The following NAALADL2 variants were observed in gnomAD, a reference collection of about 807,000 sequenced individuals.
The protein encoded by NAALADL2 is N-acetylated alpha-linked acidic dipeptidase like 2.
Under a neutral mutation model 87.2 loss-of-function variants are expected in NAALADL2, and 76 were observed. The ratio of observed to expected loss-of-function variants is 0.87; its 90% CI spans 0.72 to 1.05. The LOEUF (loss-of-function observed/expected upper bound fraction) is 1.05. Among genes scored for constraint, NAALADL2 ranks in the 50% least tolerant of loss-of-function variants. The pLI is 0.00. For missense variants in NAALADL2, 1,089 were observed against 945.8 expected (o/e 1.15, Z -1.99); for synonymous variants, 354 against 331.0 (o/e 1.07, Z -0.75).
intron 1 of NAALADL2, among the ~76,000 whole-genome samples, chr3:175,050,904 A>G (rs1044584890): frequency 3.3e-5 from 5 of 152,216 alleles, no homozygotes; most frequent in Admixed American, 6.5e-5. Flanking sequence ...ATAAGATGAA[A>G]AAACTAGGGT....
intron 4 of NAALADL2, among the ~76,000 whole-genome samples, chr3:175,258,446 A>G (rs115514650): frequency 0.017 from 2,603 of 152,194 alleles, 65 homozygotes; most frequent in African/African-American, 0.059. Flanking sequence ...GGGAGCTAGA[A>G]TACATCAATA....
chr3:174,817,670 A>G (rs1720954591), intron 3 of NAALADL2, among the ~76,000 whole-genome samples: 1 of 152,164 alleles, frequency 6.6e-6, no homozygotes, highest in Non-Finnish European at 1.5e-5. Context: ...GTGCATGGTA[A>G]TAACATTAAA....
intron 4 of NAALADL2, among the ~76,000 whole-genome samples, chr3:175,263,831 A>G (rs1751498548): frequency 6.6e-6 from 1 of 151,654 alleles, no homozygotes; most frequent in African/African-American, 2.4e-5. Flanking sequence ...CATGTTTCAG[A>G]AATATTTATA....
At chr3:175,767,105 C>G (rs753257604) in intron 13 of NAALADL2, among the ~76,000 whole-genome samples, 2 of 152,050 alleles carry the variant, frequency 1.3e-5, no homozygotes, top group Non-Finnish European at 2.9e-5. Flanking sequence ...GCCTCTTTTT[C>G]CACAGTCACC....
intron 5 of NAALADL2, among the ~76,000 whole-genome samples, chr3:175,366,349 T>G (rs973589467): frequency 6.6e-6 from 1 of 151,866 alleles, no homozygotes; most frequent in Non-Finnish European, 1.5e-5. Flanking sequence ...AACAGCATGA[T>G]TTATAGTCCT....
chr3:175,713,529 A>G (rs1314979734), intron 11 of NAALADL2, among the ~76,000 whole-genome samples: 1 of 152,130 alleles, frequency 6.6e-6, no homozygotes, highest in Non-Finnish European at 1.5e-5. Flanking sequence ...AAAGAATTCC[A>G]TGCCTTCTGA....
intron 5 of NAALADL2, among the ~76,000 whole-genome samples, chr3:175,350,622 T>G (rs575189571): frequency 2.0e-5 from 3 of 152,120 alleles, no homozygotes; most frequent in Admixed American, 1.3e-4. Flanking sequence ...CTGCTAAAGA[T>G]TCAGGTGAGA....
intron 3 of NAALADL2, among the ~76,000 whole-genome samples, chr3:174,780,414 C>T (rs1054421308): frequency 6.6e-6 from 1 of 152,124 alleles, no homozygotes; most frequent in African/African-American, 2.4e-5. Context: ...AATACACAAT[C>T]ATGTCATCTG....
intron 3 of NAALADL2, among the ~76,000 whole-genome samples, chr3:174,783,433 G>A (rs1221755104): frequency 6.6e-6 from 1 of 152,062 alleles, no homozygotes; most frequent in East Asian, 1.9e-4. Context: ...ATTGCACTTT[G>A]CACAGAATAT....
At chr3:174,849,796 G>T (rs1297332150) in intron 3 of NAALADL2, among the ~76,000 whole-genome samples, 1 of 150,358 alleles carries the variant, frequency 6.7e-6, no homozygotes, top group Non-Finnish European at 1.5e-5. Flanking sequence ...CCTACGCAGG[G>T]TTAGGATCAT....
At chr3:175,770,595 G>A (rs1749363760) in intron 13 of NAALADL2, among the ~76,000 whole-genome samples, 1 of 152,092 alleles carries the variant, frequency 6.6e-6, no homozygotes, top group Non-Finnish European at 1.5e-5. Context: ...ATGTGAAATG[G>A]GAGGAAACAT....
intron 3 of NAALADL2, among the ~76,000 whole-genome samples, chr3:174,826,779 T>G (rs1479005416): frequency 6.6e-6 from 1 of 152,220 alleles, no homozygotes; most frequent in Non-Finnish European, 1.5e-5. Flanking sequence ...TGTTTTGCAC[T>G]TAGAGTCAGA....
At chr3:174,922,179 G>A (rs1247167140) in intron 1 of NAALADL2, among the ~76,000 whole-genome samples, 1 of 151,870 alleles carries the variant, frequency 6.6e-6, no homozygotes, top group African/African-American at 2.4e-5. Context: ...GCATGATGTT[G>A]TACACCTGTA....
At chr3:174,827,669 A>C (rs1376485347) in intron 3 of NAALADL2, among the ~76,000 whole-genome samples, 2 of 152,210 alleles carry the variant, frequency 1.3e-5, no homozygotes, top group East Asian at 1.9e-4. Flanking sequence ...AACAGGTTCA[A>C]TGTATTGGGA....
intron 2 of NAALADL2, among the ~76,000 whole-genome samples, chr3:175,104,778 T>C (rs933464903): frequency 6.6e-6 from 1 of 152,162 alleles, no homozygotes; most frequent in Non-Finnish European, 1.5e-5. Context: ...TTAGCTATCC[T>C]ATCGTTGATC....
At chr3:175,480,520 T>C (rs1312176529) in intron 9 of NAALADL2, among the ~76,000 whole-genome samples, 1 of 151,876 alleles carries the variant, frequency 6.6e-6, no homozygotes, top group Non-Finnish European at 1.5e-5. Flanking sequence ...GCATCAAAAG[T>C]AGTATTCTAT....
intron 2 of NAALADL2, among the ~76,000 whole-genome samples, chr3:174,733,254 G>A (rs965134255): frequency 4.6e-5 from 7 of 152,130 alleles, no homozygotes; most frequent in Admixed American, 3.3e-4. Flanking sequence ...ATTCAGGCAA[G>A]TTTTTCTGCA....
intron 2 of NAALADL2, among the ~76,000 whole-genome samples, chr3:174,605,195 C>T (rs962142698): frequency 2.6e-5 from 4 of 152,148 alleles, no homozygotes; most frequent in Non-Finnish European, 5.9e-5. Context: ...CCAAGATGGC[C>T]GAATAGGAAC....
intron 13 of NAALADL2, chr3:175,773,111 G>A (rs1749729768): frequency 6.6e-6 from 1 of 152,086 alleles, no homozygotes; most frequent in African/African-American, 2.4e-5. Flanking sequence ...TAATGAGAAA[G>A]TGGAAGGGTA....
Sources: allele counts gnomAD v4.1 joint callset (sites outside exome capture counted in the v4.1 genomes callset), GRCh38; gene constraint gnomAD v4.1.1; transcripts MANE v1.5; gene names NCBI Gene and HGNC (gene_info 2026-07-23, HGNC 2026-07-21).